Variants in ITPRID1 observed in about 807,000 individuals in gnomAD.
ITPRID1 encodes protein ITPRID1.
ITPRID1 carries 96 observed loss-of-function variants against 95.4 expected under a neutral mutation model. That is an observed-to-expected ratio of 1.01 (90% CI 0.85 to 1.19). The LOEUF (loss-of-function observed/expected upper bound fraction) is 1.19, where lower values mean the gene tolerates loss of function less well. Among genes scored for constraint, ITPRID1 ranks in the 50% most tolerant of loss-of-function variants. The pLI is 0.00. For missense variants in ITPRID1, 1,339 were observed against 1,252.9 expected (o/e 1.07, Z -1.04); for synonymous variants, 510 against 453.6 (o/e 1.12, Z -1.58).
chr7:31,545,773 G>A (rs550838484), intron 1 of ITPRID1, among the ~76,000 whole-genome samples: 3 of 152,134 alleles, frequency 2.0e-5, no homozygotes, highest in South Asian at 2.1e-4. Flanking sequence ...CAGACTGCTT[G>A]TTCCTCCTAG....
At chr7:31,647,478 A>G (rs907537386) in intron 12 of ITPRID1, among the ~76,000 whole-genome samples, 1 of 149,390 alleles carries the variant, frequency 6.7e-6, no homozygotes, top group Non-Finnish European at 1.5e-5. Flanking sequence ...CCTGGCCAAC[A>G]TGGCAAAACC....
intron 2 of ITPRID1, chr7:31,552,058 C>A: frequency 3.0e-6 from 1 of 330,550 alleles, no homozygotes; most frequent in South Asian, 2.4e-5. Flanking sequence ...CCCTTGTTCT[C>A]ATGGTGCTTA....
chr7:31,555,887 A>G (rs1025353866), intron 5 of ITPRID1, among the ~76,000 whole-genome samples: 8 of 152,170 alleles, frequency 5.3e-5, no homozygotes, highest in Non-Finnish European at 1.0e-4. Context: ...CTTTTCACCA[A>G]CCTTCTTTAT....
intron 10 of ITPRID1, among the ~76,000 whole-genome samples, chr7:31,631,482 AT>A (rs1341397462): frequency 6.6e-6 from 1 of 152,172 alleles, no homozygotes; most frequent in Non-Finnish European, 1.5e-5. Flanking sequence ...AATGATCTTT[AT>A]TTTTTATTTA....
At chr7:31,552,306 G>C (rs918985877) in intron 2 of ITPRID1, among the ~76,000 whole-genome samples, 2 of 106,210 alleles carry the variant, frequency 1.9e-5, no homozygotes, top group African/African-American at 5.5e-5. Context: ...TTGAGTCCTG[G>C]CTGGCTGTTT....
chr7:31,624,172 A>G (rs1386487691), intron 10 of ITPRID1, among the ~76,000 whole-genome samples: 2 of 150,460 alleles, frequency 1.3e-5, no homozygotes, highest in Admixed American at 6.6e-5. Context: ...GGAAGAGTCA[A>G]TATCGTGAAA....
At chr7:31,544,451 G>T (rs1784030943) in intron 1 of ITPRID1, among the ~76,000 whole-genome samples, 1 of 152,072 alleles carries the variant, frequency 6.6e-6, no homozygotes, top group Non-Finnish European at 1.5e-5. Flanking sequence ...ATGCTGTAAA[G>T]GTTCACATGT....
At chr7:31,617,315 C>T (rs16875605) in intron 10 of ITPRID1, among the ~76,000 whole-genome samples, 6,450 of 152,106 alleles carry the variant, frequency 0.042, 393 homozygotes, top group African/African-American at 0.14. Context: ...ACAAGTATTT[C>T]ATTGATAAGC....
At chr7:31,634,139 T>A (rs1789264924) in intron 10 of ITPRID1, among the ~76,000 whole-genome samples, 1 of 152,196 alleles carries the variant, frequency 6.6e-6, no homozygotes, top group South Asian at 2.1e-4. Flanking sequence ...CTGAGGCGTC[T>A]GTCTCCTCCT....
At chr7:31,553,621 C>A (rs567067158) in intron 3 of ITPRID1, among the ~76,000 whole-genome samples, 2 of 152,254 alleles carry the variant, frequency 1.3e-5, no homozygotes, top group South Asian at 2.1e-4. Flanking sequence ...ACTCCCTGCC[C>A]CCATTATGTA....
chr7:31,521,616 TTCCCTCCTTCCTTCCTTCC>T (rs1349417712), intron 1 of ITPRID1, among the ~76,000 whole-genome samples: 5,976 of 83,570 alleles, frequency 0.072, 259 homozygotes, highest in East Asian at 0.27. Flanking sequence ...TTTTTCTCCT[TTCCCTCCTTCCTTCCTTCC>T]TTCCTTCCTT....
chr7:31,625,564 T>C (rs991452591), intron 10 of ITPRID1, among the ~76,000 whole-genome samples: 3 of 152,014 alleles, frequency 2.0e-5, no homozygotes, highest in Non-Finnish European at 4.4e-5. Context: ...TAGGTGGGAA[T>C]TGAACAATGG....
At chr7:31,552,429 G>C (rs1360989635) in intron 2 of ITPRID1, among the ~76,000 whole-genome samples, 1 of 152,132 alleles carries the variant, frequency 6.6e-6, no homozygotes, top group Admixed American at 6.5e-5. Context: ...ATAGAATTCA[G>C]CATAGAATCT....
chr7:31,583,909 G>A (rs2128149956), intron 10 of ITPRID1, among the ~76,000 whole-genome samples: 1 of 152,222 alleles, frequency 6.6e-6, no homozygotes, highest in African/African-American at 2.4e-5. Flanking sequence ...GAAGAAATAA[G>A]TGCAGATAAT....
chr7:31,620,025 C>T (rs1787675927), intron 10 of ITPRID1, among the ~76,000 whole-genome samples: 1 of 152,182 alleles, frequency 6.6e-6, no homozygotes, highest in African/African-American at 2.4e-5. Flanking sequence ...AGTCTGAGAT[C>T]AAACTGCAAG....
intron 10 of ITPRID1, among the ~76,000 whole-genome samples, chr7:31,587,044 C>T (rs921597756): frequency 1.1e-4 from 17 of 152,214 alleles, no homozygotes; most frequent in Non-Finnish European, 1.6e-4. Context: ...ACTGAATGGG[C>T]AAAAACTGGA....
intron 10 of ITPRID1, among the ~76,000 whole-genome samples, chr7:31,597,943 TAAAC>T (rs2128157923): frequency 6.6e-6 from 1 of 152,096 alleles, no homozygotes; most frequent in African/African-American, 2.4e-5. Flanking sequence ...ACCAATGAAA[TAAAC>T]AGCTCAGAAG....
chr7:31,585,799 C>G (rs994295384), intron 10 of ITPRID1, among the ~76,000 whole-genome samples: 5 of 151,938 alleles, frequency 3.3e-5, no homozygotes, highest in Non-Finnish European at 7.4e-5. Flanking sequence ...TAAATGTCCA[C>G]TAAAAAAGAA....
At position 31,654,068 on chromosome 7, in the gene ITPRID1, A is replaced by T. The variant is rs77422885; in HGVS notation, c.*1239A>T. 4.0e-5 allele frequency among the ~76,000 whole-genome samples: 6 copies of T among 151,850 alleles called. No homozygotes were observed. The highest frequency in any genetic ancestry group is 8.8e-5 in the Non-Finnish European group (6 of 68,012). On this transcript the variant is annotated 3_prime_UTR_variant, in exon 15 of 15. Transcript: ENST00000615280. ...AGAGTAAGTCCAAAAAAAAAAAAAA[A>T]AAAACCAACAAGCAAATAATTACAA...
Sources: gnomAD v4.1 joint callset for allele counts (sites outside exome capture counted in the v4.1 genomes callset) on GRCh38, gnomAD v4.1.1 for gene constraint, MANE v1.5 for transcripts, NCBI Gene and HGNC (gene_info 2026-07-23, HGNC 2026-07-21) for gene names.